Variants in KPNA5 observed in about 807,000 individuals in gnomAD.
The protein encoded by KPNA5 is karyopherin subunit alpha 5.
Under a neutral mutation model 71.3 loss-of-function variants are expected in KPNA5, and 46 were observed. That is an observed-to-expected ratio of 0.65 (90% CI 0.51 to 0.83). The LOEUF is 0.83. Ranked by LOEUF, KPNA5 falls within the 40% of genes least tolerant of loss-of-function variation. KPNA5 has a pLI of 0.00. For missense variants in KPNA5, 547 were observed against 628.3 expected, an observed-to-expected ratio of 0.87 and a Z score of 1.38; for synonymous variants, 207 against 201.4, an observed-to-expected ratio of 1.03 and a Z score of -0.24.
intron 4 of KPNA5, among the ~76,000 whole-genome samples, chr6:116,694,735 T>TA (rs201996700): frequency 0.032 from 4,849 of 152,278 alleles, 121 homozygotes; most frequent in Non-Finnish European, 0.051. Context: ...ATCAGGCATT[T>TA]AAAATCACAA....
chr6:116,732,121 T>C lies in KPNA5; in HGVS notation c.1433-15T>C, dbSNP rs539667103. 1.1e-3 allele frequency: 588 copies of C among 550,864 alleles called. 8 individuals carry two copies. The highest frequency in any genetic ancestry group is 5.7e-3 in the East Asian group (115 of 20,128). The allele number at this position is 550,864 out of a possible 1,614,324, so 34.1% of individuals were successfully genotyped here. A position where few individuals can be genotyped will look rare whatever the true frequency, so the allele number is the denominator to read the frequency against. ...ATATATATATATATATATATATATA[T>C]ACTTTGTATAACAGGTCTGGATAAA... On this transcript the variant is annotated splice_polypyrimidine_tract_variant and intron_variant, in intron 13 of 13. Transcript: ENST00000368564.
At chr6:116,703,122 G>A (rs1778291250) in intron 6 of KPNA5, among the ~76,000 whole-genome samples, 1 of 151,886 alleles carries the variant, frequency 6.6e-6, no homozygotes, top group South Asian at 2.1e-4. Context: ...TTTGCCATCT[G>A]TTCAATTGTT....
intron 13 of KPNA5, among the ~76,000 whole-genome samples, chr6:116,730,193 T>C (rs572970309): frequency 2.6e-5 from 4 of 151,568 alleles, no homozygotes; most frequent in South Asian, 4.2e-4. Flanking sequence ...TTCAAGCAAT[T>C]CATGTGCCTC....
chr6:116,738,646 T>C lies in KPNA5; in HGVS notation c.*6323T>C, dbSNP rs2114527695. 6.6e-6 allele frequency: 1 copy of C among 151,748 alleles called. No individual in the cohort carries two copies. The highest frequency in any genetic ancestry group is 2.1e-4 in the South Asian group (1 of 4,806). The allele number at this position is 151,748 out of a possible 1,614,324, so 9.4% of individuals were successfully genotyped here. On this transcript the variant is annotated 3_prime_UTR_variant, in exon 14 of 14. Transcript: ENST00000368564. ...ATCCAGCAGCACATCAAAAAGCTTATCCACCATGATCAAGTGGGCTTCATC... is the reference window on the plus strand; with the variant it reads ...ATCCAGCAGCACATCAAAAAGCTTACCCACCATGATCAAGTGGGCTTCATC...
At chr6:116,728,160 G>A (rs1238614218) in intron 12 of KPNA5, among the ~76,000 whole-genome samples, 3 of 151,878 alleles carry the variant, frequency 2.0e-5, no homozygotes, top group African/African-American at 7.3e-5. Flanking sequence ...ATGGATACAA[G>A]CAGTAATAAA....
At chr6:116,721,627 C>A (rs1032807316) in intron 8 of KPNA5, among the ~76,000 whole-genome samples, 1 of 152,168 alleles carries the variant, frequency 6.6e-6, no homozygotes, top group Non-Finnish European at 1.5e-5. Context: ...GCCTTCTTAT[C>A]AGTGTAATAG....
chr6:116,692,181 A>C, intron 3 of KPNA5, 25 bp downstream of exon 3: 1 of 1,509,126 alleles, frequency 6.6e-7, no homozygotes, highest in Non-Finnish European at 9.1e-7. Context: ...AATATGTTTC[A>C]AATTATACCT....
chr6:116,732,822 G>A lies in KPNA5; in HGVS notation c.*499G>A, dbSNP rs1779545465. The stretch of plus-strand genomic sequence containing the variant: ...AATAATGCAAATGCTAAATTAGAAT[G>A]TGAAAATATTTATTACCTTAAATTA... On this transcript the variant is annotated 3_prime_UTR_variant, in exon 14 of 14. Transcript: ENST00000368564. The A allele has an allele frequency of 6.6e-6, 1 of 151,874 alleles. No homozygotes were observed. Among genetic ancestry groups the A allele is most frequent in the Admixed American group, 6.6e-5 (1 of 15,194 alleles). The allele number at this position is 151,874 out of a possible 1,614,324, so 9.4% of individuals were successfully genotyped here. A position where few individuals can be genotyped will look rare whatever the true frequency, so the allele number is the denominator to read the frequency against.
At chr6:116,713,084 T>C (rs1052893532) in intron 7 of KPNA5, among the ~76,000 whole-genome samples, 3 of 152,088 alleles carry the variant, frequency 2.0e-5, no homozygotes, top group Admixed American at 6.6e-5. Context: ...TTAAGTCATG[T>C]AGGGAAAAAA....
At chr6:116,728,111 T>G (rs1280542370) in intron 12 of KPNA5, among the ~76,000 whole-genome samples, 3 of 152,110 alleles carry the variant, frequency 2.0e-5, no homozygotes, top group African/African-American at 7.2e-5. Flanking sequence ...TATTTTCTAT[T>G]CTATCTCTTT....
In KPNA5 at chr6:116,698,754, A is replaced by G. The variant is rs764561426; in HGVS notation, c.391A>G (p.Arg131Gly). Residue 131 changes from arginine to glycine, a missense_variant, in exon 5 of 14, where the codon AGA becomes GGA. Physicochemically the swap from Arg to Gly is moderately radical, Grantham distance 125 (BLOSUM62 -2). Transcript: ENST00000368564. Reference sequence around the variant, plus strand: ...TATACAGAAACCAGGAGTTGTACAGAGATTTGTGAAATTTCTTGAAAGAAA... The same window carrying G: ...TATACAGAAACCAGGAGTTGTACAGGGATTTGTGAAATTTCTTGAAAGAAA... The part of the protein sequence containing the change: ...QVIQKPGVVQ[R>G]FVKFLERNEN... The G allele has an allele frequency of 6.2e-7, 1 of 1,602,028 alleles. No homozygotes were observed. Among genetic ancestry groups the G allele is most frequent in the South Asian group, 1.1e-5 (1 of 88,792 alleles).
At chr6:116,709,513 G>A (rs116525240) in intron 7 of KPNA5, among the ~76,000 whole-genome samples, 2,701 of 152,236 alleles carry the variant, frequency 0.018, 68 homozygotes, top group South Asian at 0.06. Flanking sequence ...AACATGGTAA[G>A]ACTCCATCTC....
chr6:116,705,444 A>C (rs1778404954), intron 7 of KPNA5, among the ~76,000 whole-genome samples: 1 of 152,230 alleles, frequency 6.6e-6, no homozygotes, highest in Non-Finnish European at 1.5e-5. Flanking sequence ...ATAATACAAT[A>C]AAATTTACAT....
At position 116,741,593 on chromosome 6, in the gene KPNA5, A is replaced by C. The variant is rs1452210009; in HGVS notation, c.*9270A>C. ...ATATCATGATCATATTGAAAGATCA[A>C]GCATGAGCTTCCATGGTGAAGTCTT... On this transcript the variant is annotated 3_prime_UTR_variant, in exon 14 of 14. Transcript: ENST00000368564. 6.5e-6 allele frequency: 1 copy of C among 153,174 alleles called. No homozygotes were observed. Among genetic ancestry groups the C allele is most frequent in the Non-Finnish European group, 1.5e-5 (1 of 68,028 alleles). 9.5% of individuals were successfully genotyped at this position (153,174 alleles called of 1,614,324 possible).
intron 7 of KPNA5, among the ~76,000 whole-genome samples, chr6:116,715,914 C>CAAA (rs113069826): frequency 8.1e-6 from 1 of 123,192 alleles, no homozygotes; most frequent in African/African-American, 3.0e-5. Flanking sequence ...GACTCTGACT[C>CAAA]AAAAAAAAAA....
intron 8 of KPNA5, among the ~76,000 whole-genome samples, chr6:116,721,076 G>C (rs995409469): frequency 2.6e-5 from 4 of 152,050 alleles, no homozygotes; most frequent in Non-Finnish European, 5.9e-5. Flanking sequence ...ATCTTTAGAG[G>C]ACAGGCCCAG....
rs752268493 is a variant in KPNA5, at chr6:116,724,376, G to T, written c.999+1G>T. On this transcript the variant is annotated splice_donor_variant, in intron 10 of 13. Coordinates refer to ENST00000368564, the MANE Select transcript of KPNA5 (RefSeq NM_001366306.2). LOFTEE classifies it high-confidence loss of function. ...GACTGGTGATGATATTCAAACACAG[G>T]TGAGTTCAAACTTGAGTATCATAAA... 2.5e-6 allele frequency: 4 copies of T among 1,603,050 alleles called. No individual in the cohort carries two copies.
chr6:116,732,612 AAGG>A lies in KPNA5; in HGVS notation c.*292_*294del, dbSNP rs750969372. Reference sequence around the variant, plus strand: ...AATTATTTAGTAATTTAAGCTTGAAAAGGAGAATTTTGGTGAAGCATTACTTAG... The same window carrying A: ...AATTATTTAGTAATTTAAGCTTGAAAAGAATTTTGGTGAAGCATTACTTAG... On this transcript the variant is annotated 3_prime_UTR_variant, in exon 14 of 14. Coordinates refer to ENST00000368564, the MANE Select transcript of KPNA5 (RefSeq NM_001366306.2). 1.2e-5 allele frequency: 2 copies of A among 164,760 alleles called. No homozygotes were observed. Among genetic ancestry groups the A allele is most frequent in the African/African-American group, 4.8e-5 (2 of 41,870 alleles). The allele number at this position is 164,760 out of a possible 1,614,324, so 10.2% of individuals were successfully genotyped here. A position where few individuals can be genotyped will look rare whatever the true frequency, so the allele number is the denominator to read the frequency against.
chr6:116,729,886 T>C (rs1284558658), intron 13 of KPNA5, 145 bp downstream of exon 13: 2 of 437,668 alleles, frequency 4.6e-6, no homozygotes, highest in Non-Finnish European at 7.9e-6. Context: ...TTTATTACCC[T>C]AACAATTTAT....
Sources: gnomAD v4.1 joint callset for allele counts (sites outside exome capture counted in the v4.1 genomes callset) on GRCh38, gnomAD v4.1.1 for gene constraint, MANE v1.5 for transcripts, NCBI Gene and HGNC (gene_info 2026-07-23, HGNC 2026-07-21) for gene names.